Variants in JADE1 observed in about 807,000 individuals in gnomAD.
JADE1 encodes protein Jade-1.
A neutral mutation model predicts 81.8 loss-of-function variants in JADE1; 14 were observed. The ratio of observed to expected loss-of-function variants is 0.17; its 90% CI spans 0.11 to 0.27. The LOEUF is 0.27. JADE1 is among the 10% of genes least tolerant of loss of function. JADE1 has a pLI of 1.00. For missense variants in JADE1, 690 were observed against 1,047.9 expected, an observed-to-expected ratio of 0.66 and a Z score of 4.71; for synonymous variants, 353 against 391.9, an observed-to-expected ratio of 0.90 and a Z score of 1.17.
chr4:128,814,567 C>CTTT (rs376501164), intron 1 of JADE1, among the ~76,000 whole-genome samples: 5 of 135,208 alleles, frequency 3.7e-5, no homozygotes, highest in South Asian at 2.4e-4. Flanking sequence ...AGGATTTTTT[C>CTTT]TTTTTTTTTT....
In JADE1 at chr4:128,874,580, C is replaced by T. The variant is rs1732434626; in HGVS notation, c.*2318C>T. On this transcript the variant is annotated 3_prime_UTR_variant, in exon 11 of 11. Transcript: ENST00000226319. The stretch of plus-strand genomic sequence containing the variant: ...CACTTTTTATTCCTGCTTCGAAATG[C>T]AAATGGATAGAGCACGGTTTCTCTG... The T allele has an allele frequency of 6.6e-6, 1 of 152,398 alleles. No individual in the cohort carries two copies. Among genetic ancestry groups the T allele is most frequent in the Non-Finnish European group, 1.5e-5 (1 of 67,994 alleles). The allele number at this position is 152,398 out of a possible 1,614,324, so 9.4% of individuals were successfully genotyped here. A position where few individuals can be genotyped will look rare whatever the true frequency, so the allele number is the denominator to read the frequency against.
In JADE1 at chr4:128,828,936, C is replaced by T. The variant is rs114708616; in HGVS notation, c.-26-2797C>T. ...CTAGGATTACACATGTGAGCCACCG[C>T]GACCAGCCTAGTACTAATTTTTTTT... On this transcript the variant is annotated intron_variant, in intron 1 of 10. Transcript: ENST00000226319. 5.4e-3 allele frequency among the ~76,000 whole-genome samples: 815 copies of T among 152,276 alleles called. 5 individuals are homozygous for T. Among genetic ancestry groups the T allele is most frequent in the Non-Finnish European group, 9.5e-3 (649 of 68,026 alleles).
rs551867222 is a variant in JADE1, at chr4:128,867,824, C to T, written c.1504-32C>T. 40 of 1,418,790 alleles carry T rather than the reference C, an allele frequency of 2.8e-5. No homozygotes were observed. The East Asian group carries it at 8.2e-4, about 29-fold the overall frequency. The allele number at this position is 1,418,790 out of a possible 1,614,324, so 87.9% of individuals were successfully genotyped here. A position where few individuals can be genotyped will look rare whatever the true frequency, so the allele number is the denominator to read the frequency against. ...ACCAAAGTACTGTTATACTGTATTG[C>T]TTACTTAGAATCTTTATTCTCTACA... On this transcript the variant is annotated intron_variant, in intron 9 of 10. Coordinates refer to ENST00000226319, the MANE Select transcript of JADE1 (RefSeq NM_199320.4).
intron 7 of JADE1, 99 bp downstream of exon 7, chr4:128,855,896 T>C: frequency 9.4e-7 from 1 of 1,069,190 alleles, no homozygotes; most frequent in Non-Finnish European, 1.3e-6. Flanking sequence ...CATGGCTCAC[T>C]GCAGCCTTGA....
At chr4:128,859,458 CGTGA>C (rs990781884) in intron 8 of JADE1, among the ~76,000 whole-genome samples, 3 of 151,120 alleles carry the variant, frequency 2.0e-5, no homozygotes, top group Non-Finnish European at 4.4e-5. Flanking sequence ...CGCGTGAGTG[CGTGA>C]GTATGCACAT....
rs950152783 is a variant in JADE1 at position 128,852,347 on chromosome 4, A to G, written c.696+79A>G. 3.7e-5 allele frequency: 43 copies of G among 1,151,310 alleles called. No homozygotes were observed. The Admixed American group carries it at 7.6e-4, about 20-fold the overall frequency. The allele number at this position is 1,151,310 out of a possible 1,614,324, so 71.3% of individuals were successfully genotyped here. On this transcript the variant is annotated intron_variant, in intron 6 of 10. Transcript: ENST00000226319. ...CTGTGGGAGTGTATGCCTGGAGTCC[A>G]GGATTCTTCCTCCGAATGGGGTCTG...
At chr4:128,824,401 G>A (rs1727856832) in intron 1 of JADE1, among the ~76,000 whole-genome samples, 1 of 151,388 alleles carries the variant, frequency 6.6e-6, no homozygotes. Flanking sequence ...CTAGGTGACA[G>A]AGCGAGACTC....
At chr4:128,851,552 T>C (rs944339676) in intron 5 of JADE1, among the ~76,000 whole-genome samples, 2 of 152,228 alleles carry the variant, frequency 1.3e-5, no homozygotes, top group African/African-American at 2.4e-5. Context: ...TACCTGACCA[T>C]AGGAAAATAA....
chr4:128,834,589 C>T (rs901178388), intron 2 of JADE1, among the ~76,000 whole-genome samples: 1 of 136,826 alleles, frequency 7.3e-6, no homozygotes, highest in African/African-American at 2.8e-5. Context: ...GGCTGGAGTA[C>T]AGTGGCATGA....
intron 9 of JADE1, chr4:128,864,652 T>A (rs758427986): frequency 2.1e-6 from 2 of 966,676 alleles, no homozygotes; most frequent in Non-Finnish European, 2.5e-6. Flanking sequence ...TCAAGTAAGT[T>A]AGTTTTCTGT....
At chr4:128,821,331 G>C (rs1727548005) in intron 1 of JADE1, among the ~76,000 whole-genome samples, 1 of 152,160 alleles carries the variant, frequency 6.6e-6, no homozygotes, top group Admixed American at 6.5e-5. Context: ...CTGAAGATAT[G>C]TGCCTGGGGG....
In JADE1 at chr4:128,831,713, G is replaced by T. The variant is rs759306413; in HGVS notation, c.-26-20G>T. The T allele has an allele frequency of 6.2e-7, 1 of 1,610,860 alleles. No homozygotes were observed. The highest frequency in any genetic ancestry group is 8.5e-7 in the Non-Finnish European group (1 of 1,177,074). On this transcript the variant is annotated intron_variant, in intron 1 of 10. Transcript: ENST00000226319. ...TGTGTATTATCATCTTGGGTTAAGT[G>T]CTGTCTCATTGCTTTGCAGGCTGCC... is the stretch of plus-strand genomic sequence containing the variant.
intron 9 of JADE1, chr4:128,863,199 G>A (rs1731506710): frequency 2.0e-6 from 2 of 985,394 alleles, no homozygotes; most frequent in Non-Finnish European, 1.2e-6. Context: ...GGAATAATGA[G>A]GCGTGGGCTG....
chr4:128,844,912 G>C (rs952238497), intron 3 of JADE1, among the ~76,000 whole-genome samples: 1 of 152,170 alleles, frequency 6.6e-6, no homozygotes, highest in African/African-American at 2.4e-5. Flanking sequence ...AGCCTGAAAA[G>C]CCACCAGGAA....
chr4:128,819,046 G>A (rs553523295), intron 1 of JADE1, among the ~76,000 whole-genome samples: 3 of 152,008 alleles, frequency 2.0e-5, no homozygotes, highest in Non-Finnish European at 2.9e-5. Context: ...CTTTGTTCTC[G>A]AACTCCTGAG....
rs961927209 is a variant in JADE1, at chr4:128,872,535, A to C, written c.*273A>C. On this transcript the variant is annotated 3_prime_UTR_variant, in exon 11 of 11. Transcript: ENST00000226319. ...GAACTGAACACTAAAATAAAAATGA[A>C]ATGTTTTAAAGAAGGCAAGGCTTAA... The C allele has an allele frequency of 5.3e-6, 2 of 376,234 alleles. No individual in the cohort carries two copies. Among genetic ancestry groups the C allele is most frequent in the Non-Finnish European group, 4.8e-6 (1 of 207,278 alleles). The allele number at this position is 376,234 out of a possible 1,614,324, so 23.3% of individuals were successfully genotyped here.
intron 1 of JADE1, among the ~76,000 whole-genome samples, chr4:128,818,387 G>A (rs1431261379): frequency 1.3e-5 from 2 of 152,134 alleles, no homozygotes; most frequent in Admixed American, 6.6e-5. Context: ...TCCCCAAGTG[G>A]TGGGATTAGA....
chr4:128,814,056 A>C (rs1358352442), intron 1 of JADE1, among the ~76,000 whole-genome samples: 13 of 151,056 alleles, frequency 8.6e-5, no homozygotes, highest in South Asian at 4.2e-4. Flanking sequence ...AAAAAAAAAA[A>C]CCCACCTTCT....
chr4:128,849,044 T>C lies in JADE1; in HGVS notation c.361T>C (p.Ser121Pro), dbSNP rs1318457083. 6.2e-7 allele frequency: 1 copy of C among 1,614,098 alleles called. No individual in the cohort carries two copies. The highest frequency in any genetic ancestry group is 8.5e-7 in the Non-Finnish European group (1 of 1,179,994). The part of the protein sequence containing the change: ...RPKKYIVSSG[S>P]EPPELGYVDI... ...CAAGAAGTACATCGTGTCATCAGGC[T>C]CTGAGCCTCCCGAGTTGGGCTATGT... The change falls in exon 5 of 11, where the codon TCT becomes CCT. Residue 121 changes from serine (S) to proline (P), a missense_variant. Coordinates refer to ENST00000226319, the MANE Select transcript of JADE1 (RefSeq NM_199320.4).
Sources: allele counts gnomAD v4.1 joint callset (sites outside exome capture counted in the v4.1 genomes callset), GRCh38; gene constraint gnomAD v4.1.1; transcripts MANE v1.5; gene names NCBI Gene and HGNC (gene_info 2026-07-23, HGNC 2026-07-21).